Variants in NXN observed in about 807,000 individuals in gnomAD.
The protein encoded by NXN is nucleoredoxin.
In NXN, 16 loss-of-function variants were observed where a neutral mutation model predicts 48.6. The ratio of observed to expected loss-of-function variants is 0.33; its 90% confidence interval spans 0.22 to 0.50. NXN has a LOEUF of 0.50. NXN is among the 20% of genes least tolerant of loss of function. NXN has a pLI of 0.98. For missense variants in NXN, 492 were observed against 605.5 expected, an observed-to-expected ratio of 0.81 and a Z score of 1.97; for synonymous variants, 281 against 269.6, an observed-to-expected ratio of 1.04 and a Z score of -0.41.
intron 1 of NXN, among the ~76,000 whole-genome samples, chr17:939,614 G>A (rs2068947560): frequency 6.6e-6 from 1 of 152,104 alleles, no homozygotes; most frequent in Non-Finnish European, 1.5e-5. Context: ...CCAAAGTGCT[G>A]GGATTACAGG....
chr17:849,271 G>T lies in NXN; in HGVS notation c.361-23193C>A, dbSNP rs753354298. On this transcript the variant is annotated intron_variant, in intron 1 of 7. Coordinates refer to ENST00000336868, the MANE Select transcript of NXN (RefSeq NM_022463.5). This position sits in a 1 kb window ranked among gnomAD's most constrained non-coding sequence, Gnocchi z 4.2. ...TTCCCAGCTGGGCGCAGTGGCTCAC[G>T]CCTGTAATCCCAGCACTTTGGGAGG... Among the ~76,000 whole-genome samples the T allele has an allele frequency of 2.0e-5, 3 of 152,144 alleles. No individual in the cohort carries two copies. The East Asian group carries it at 5.8e-4, about 29-fold the overall frequency.
intron 1 of NXN, among the ~76,000 whole-genome samples, chr17:856,114 AC>A (rs2067983328): frequency 1.3e-5 from 2 of 151,348 alleles, no homozygotes; most frequent in Admixed American, 1.3e-4. Flanking sequence ...AATCGCTTGA[AC>A]CCGGGAGGTG....
chr17:946,300 C>A (rs1343561178), intron 1 of NXN, among the ~76,000 whole-genome samples: 4 of 152,086 alleles, frequency 2.6e-5, no homozygotes, highest in African/African-American at 9.7e-5. Context: ...TCCTGAGTAG[C>A]TGGGATTACA....
At chr17:900,280 G>C (rs112409399) in intron 1 of NXN, among the ~76,000 whole-genome samples, 2 of 151,356 alleles carry the variant, frequency 1.3e-5, no homozygotes, top group African/African-American at 4.9e-5. Context: ...ACAAAAAAAG[G>C]AAAAAAAAAC....
intron 5 of NXN, among the ~76,000 whole-genome samples, chr17:811,715 TCATCAA>T (rs1240997218): frequency 6.6e-6 from 1 of 151,990 alleles, no homozygotes; most frequent in Non-Finnish European, 1.5e-5. Flanking sequence ...CCCAAACTCA[TCATCAA>T]GACCACGGCA....
At chr17:886,514 C>T (rs985796081) in intron 1 of NXN, among the ~76,000 whole-genome samples, 2 of 152,208 alleles carry the variant, frequency 1.3e-5, no homozygotes, top group African/African-American at 4.8e-5. Flanking sequence ...CGGTGGCTCA[C>T]GCCAGGAATC....
intron 5 of NXN, among the ~76,000 whole-genome samples, chr17:816,172 G>A (rs929309186): frequency 5.3e-5 from 8 of 152,160 alleles, no homozygotes; most frequent in East Asian, 1.9e-4. Context: ...AGCTGAGGCC[G>A]AAACCCCTTC....
At chr17:854,455 T>C (rs1470980978) in intron 1 of NXN, among the ~76,000 whole-genome samples, 1 of 145,322 alleles carries the variant, frequency 6.9e-6, no homozygotes, top group East Asian at 2.1e-4. Context: ...GAGACCATCC[T>C]GGCTAACACG....
intron 1 of NXN, among the ~76,000 whole-genome samples, chr17:922,813 G>A (rs1003313877): frequency 6.8e-6 from 1 of 147,480 alleles, no homozygotes; most frequent in South Asian, 2.2e-4. Flanking sequence ...CACCACACCC[G>A]GCTAACTTTT....
chr17:862,595 T>C (rs1167687799), intron 1 of NXN, among the ~76,000 whole-genome samples: 1 of 152,214 alleles, frequency 6.6e-6, no homozygotes, highest in African/African-American at 2.4e-5. Context: ...GGGTAACAAG[T>C]TACTGGGAGG....
intron 1 of NXN, among the ~76,000 whole-genome samples, chr17:947,252 G>A (rs571164474): frequency 3.3e-5 from 5 of 152,286 alleles, no homozygotes; most frequent in East Asian, 1.9e-4. Context: ...CAAGCGTGAC[G>A]GGGACGCGCA....
chr17:966,430 C>G (rs1210319489), intron 1 of NXN, among the ~76,000 whole-genome samples: 1 of 152,216 alleles, frequency 6.6e-6, no homozygotes. Context: ...TCACCGCAAC[C>G]TCCGCTTCCA....
chr17:900,120 CG>C, intron 1 of NXN, among the ~76,000 whole-genome samples: 1 of 152,058 alleles, frequency 6.6e-6, no homozygotes, highest in Middle Eastern at 3.4e-3. Context: ...ACAAAATTAG[CG>C]GGGTGTGGTG....
chr17:831,359 A>G (rs2088276), intron 1 of NXN, among the ~76,000 whole-genome samples: 58,904 of 151,718 alleles, frequency 0.39, 11,742 homozygotes, highest in East Asian at 0.51. Context: ...ATATGCAAAA[A>G]CTATGCCATT....
At chr17:928,942 TA>T (rs1308228310) in intron 1 of NXN, among the ~76,000 whole-genome samples, 1 of 152,228 alleles carries the variant, frequency 6.6e-6, no homozygotes, top group Non-Finnish European at 1.5e-5. Flanking sequence ...ATCAGCTGTA[TA>T]AATGCAATAC....
intron 1 of NXN, among the ~76,000 whole-genome samples, chr17:880,374 C>A (rs73975578): frequency 0.061 from 9,254 of 152,136 alleles, 977 homozygotes; most frequent in African/African-American, 0.21. Flanking sequence ...GTGATTAGGA[C>A]CACATAAAAG....
In NXN at chr17:834,527, G is replaced by A. The variant is rs1597644042; in HGVS notation, c.361-8449C>T. Among the ~76,000 whole-genome samples, 3 of 152,228 alleles carry A rather than the reference G, an allele frequency of 2.0e-5. 1 individual carries two copies. Among genetic ancestry groups the A allele is most frequent in the Non-Finnish European group, 4.4e-5 (3 of 68,032 alleles). ...CCTCCTGGGTTTAAGTGATTCTCCT[G>A]CCTCAGCCTCCTGAGTAGCTGGAAT... On this transcript the variant is annotated intron_variant, in intron 1 of 7. Coordinates refer to ENST00000336868, the MANE Select transcript of NXN (RefSeq NM_022463.5).
intron 1 of NXN, among the ~76,000 whole-genome samples, chr17:855,648 C>T (rs1767344631): frequency 6.6e-6 from 1 of 152,220 alleles, no homozygotes; most frequent in South Asian, 2.1e-4. Flanking sequence ...TCTGATCCAC[C>T]AGTTCTGGCA....
intron 1 of NXN, among the ~76,000 whole-genome samples, chr17:945,572 C>G (rs922764584): frequency 2.7e-5 from 4 of 147,684 alleles, no homozygotes; most frequent in African/African-American, 1.0e-4. Context: ...CAGAGCTTGC[C>G]GTGAGCCGAG....
Sources: gnomAD v4.1 joint callset for allele counts (sites outside exome capture counted in the v4.1 genomes callset) on GRCh38, gnomAD v4.1.1 for gene constraint, Gnocchi (gnomAD v3.1) non-coding constraint, MANE v1.5 for transcripts, NCBI Gene and HGNC (gene_info 2026-07-23, HGNC 2026-07-21) for gene names.